COL6A6: variants seen among roughly 807,000 people sequenced by gnomAD.
COL6A6 encodes the protein collagen alpha-6(VI) chain.
A neutral mutation model predicts 208.6 loss-of-function variants in COL6A6; 183 were observed. That is an observed-to-expected ratio of 0.88 (90% confidence interval 0.78 to 0.99). The LOEUF (loss-of-function observed/expected upper bound fraction) is 0.99, where lower values mean the gene tolerates loss of function less well. COL6A6 is among the 50% of genes least tolerant of loss of function. The probability of loss-of-function intolerance (pLI) is 0.00; values close to 1 mark genes in which losing one functional copy is unlikely to be tolerated. For synonymous variants in COL6A6, 973 were observed against 1,011.8 expected (o/e 0.96, Z 0.73); for missense variants, 2,816 against 2,815.2 (o/e 1.00, Z -0.01).
At chr3:130,577,057 G>A (rs2063314701) in intron 8 of COL6A6, among the ~76,000 whole-genome samples, 1 of 152,162 alleles carries the variant, frequency 6.6e-6, no homozygotes, top group Non-Finnish European at 1.5e-5. Context: ...AGGGAGGTCA[G>A]ACGCATGGAG....
At position 130,628,608 on chromosome 3, in the gene COL6A6, A is replaced by T. The variant is rs145212914; in HGVS notation, c.4992+1239A>T. The stretch of plus-strand genomic sequence containing the variant: ...ACTTTTTTATCCAGTAGGGATTATT[A>T]TATCTCTTCAATTATAGTCTTTGAA... On this transcript the variant is annotated intron_variant, in intron 26 of 36. Transcript: ENST00000358511. Among the ~76,000 whole-genome samples, 923 of 152,316 alleles carry T rather than the reference A, an allele frequency of 6.1e-3. 7 individuals carry two copies. The highest frequency in any genetic ancestry group is 0.019 in the African/African-American group (803 of 41,556).
At chr3:130,561,172 C>T (rs539613589) in intron 2 of COL6A6, among the ~76,000 whole-genome samples, 14 of 152,282 alleles carry the variant, frequency 9.2e-5, no homozygotes, top group African/African-American at 2.4e-4. Flanking sequence ...AACCTGAGTC[C>T]GCCTTATGTG....
chr3:130,579,067 CCAAA>C (rs554359034), intron 8 of COL6A6, among the ~76,000 whole-genome samples: 32 of 152,190 alleles, frequency 2.1e-4, no homozygotes, highest in African/African-American at 7.5e-4. Flanking sequence ...TTTCAAAGTC[CCAAA>C]CAGATTTCTC....
At chr3:130,590,292 TATATA>T (rs1560034941) in intron 12 of COL6A6, among the ~76,000 whole-genome samples, 34 of 25,142 alleles carry the variant, frequency 1.4e-3, no homozygotes, top group African/African-American at 3.2e-3. Context: ...TATATATATA[TATATA>T]TATTTTTTTT....
intron 1 of COL6A6, among the ~76,000 whole-genome samples, chr3:130,549,940 A>G (rs1013443211): frequency 6.6e-6 from 1 of 152,150 alleles, no homozygotes; most frequent in Non-Finnish European, 1.5e-5. Flanking sequence ...CTAGTTTGAT[A>G]GGAATACCAT....
chr3:130,667,563 A>G (rs2066106726), intron 36 of COL6A6, among the ~76,000 whole-genome samples: 2 of 152,210 alleles, frequency 1.3e-5, no homozygotes, highest in South Asian at 4.1e-4. Flanking sequence ...TTTAAGTAAT[A>G]TATATTAACT....
chr3:130,535,071 G>C (rs959683395), intron 1 of COL6A6, among the ~76,000 whole-genome samples: 2 of 151,948 alleles, frequency 1.3e-5, no homozygotes, highest in Admixed American at 1.3e-4. Context: ...TTTTCCTTCA[G>C]TTCTGGAAAA....
intron 2 of COL6A6, among the ~76,000 whole-genome samples, chr3:130,561,388 G>T (rs569510618): frequency 2.0e-5 from 3 of 152,136 alleles, no homozygotes; most frequent in Non-Finnish European, 4.4e-5. Context: ...ATCATGAAAA[G>T]AATCTCAGAG....
Position 130,563,666 on chromosome 3 carries a change from T to TG in COL6A6, c.661+5dup. The TG allele has an allele frequency of 6.3e-7, 1 of 1,590,452 alleles. No individual in the cohort carries two copies. Among genetic ancestry groups the TG allele is most frequent in the Non-Finnish European group, 8.6e-7 (1 of 1,160,050 alleles). ...CAGTTGATGACATCTTTGTAGAAGG[T>TG]GGGCTTAGGATATGTGTATAGGAAT... On this transcript the variant is annotated splice_region_variant and intron_variant, in intron 3 of 36. Transcript: ENST00000358511.
chr3:130,641,660 T>A lies in COL6A6; in HGVS notation c.5100T>A (p.Ala1700=), dbSNP rs182797175. ...ATAAATTCTCCTTTGAGATATCTGC[T>A]GGGCTTCCAGGAGAGATGGGATCCC... ...LKGARGKMIS[A]GLPGEMGSPG... The change falls in exon 29 of 37, where the codon GCT becomes GCA. Residue 1700 remains alanine (A), a synonymous_variant. Transcript: ENST00000358511. 6.9e-6 allele frequency: 11 copies of A among 1,587,290 alleles called. No homozygotes were observed. The Admixed American group carries it at 1.8e-4, about 27-fold the overall frequency.
At chr3:130,596,852 T>C (rs2108111357) in intron 18 of COL6A6, among the ~76,000 whole-genome samples, 1 of 152,318 alleles carries the variant, frequency 6.6e-6, no homozygotes, top group South Asian at 2.1e-4. Flanking sequence ...GGGAAAACAG[T>C]TAAATTATTT....
Position 130,563,298 on chromosome 3 carries a change from G to A in COL6A6, c.295G>A (p.Gly99Arg). The change falls in exon 3 of 37, where the codon GGA becomes AGA. Residue 99 changes from glycine (G) to arginine (R), a missense_variant. Coordinates refer to ENST00000358511, the MANE Select transcript of COL6A6 (RefSeq NM_001102608.3). ...GCTGAACCACCTAAGGAAGAACTTT[G>A]GATTCATTGGCGGGTCCCTGCAGAT... ...PMLNHLRKNF[G>R]FIGGSLQIGK... is the part of the protein sequence containing the mutation. 6.2e-7 allele frequency: 1 copy of A among 1,613,970 alleles called. No individual in the cohort carries two copies. The highest frequency in any genetic ancestry group is 8.5e-7 in the Non-Finnish European group (1 of 1,179,878).
chr3:130,522,105 C>A (rs1337191127), intron 1 of COL6A6, among the ~76,000 whole-genome samples: 2 of 152,130 alleles, frequency 1.3e-5, no homozygotes, highest in Non-Finnish European at 1.5e-5. Context: ...CTAAGTATAG[C>A]TTATACTTAG....
intron 20 of COL6A6, among the ~76,000 whole-genome samples, chr3:130,603,710 T>C (rs1430671180): frequency 6.6e-6 from 1 of 152,206 alleles, no homozygotes; most frequent in Non-Finnish European, 1.5e-5. Context: ...TTGGCACTCA[T>C]TTACAGGCAT....
At chr3:130,548,089 G>A (rs150552672) in intron 1 of COL6A6, among the ~76,000 whole-genome samples, 116 of 152,338 alleles carry the variant, frequency 7.6e-4, no homozygotes, top group Non-Finnish European at 1.4e-3. Flanking sequence ...CACTGTGCCC[G>A]GCCAATCCTA....
chr3:130,656,643 T>G (rs1407168936), intron 33 of COL6A6, among the ~76,000 whole-genome samples: 1 of 152,200 alleles, frequency 6.6e-6, no homozygotes, highest in African/African-American at 2.4e-5. Flanking sequence ...GGGGTTTCAC[T>G]GAGGACCCAC....
At chr3:130,546,074 A>T (rs889734616) in intron 1 of COL6A6, among the ~76,000 whole-genome samples, 20 of 152,138 alleles carry the variant, frequency 1.3e-4, no homozygotes, top group Admixed American at 1.2e-3. Context: ...TCAATCTCAG[A>T]CATTCATTCC....
At position 130,593,170 on chromosome 3, in the gene COL6A6, A is replaced by G. The variant is rs367800070; in HGVS notation, c.4417-29A>G. ...TTACCATTATGAAAACGAGAATTCTATTAATAGCTTTCCCTTCTTGTTTTT... is the reference window on the plus strand; with the variant it reads ...TTACCATTATGAAAACGAGAATTCTGTTAATAGCTTTCCCTTCTTGTTTTT... On this transcript the variant is annotated intron_variant, in intron 16 of 36. Transcript: ENST00000358511. The G allele has an allele frequency of 7.9e-5, 128 of 1,612,288 alleles. No homozygotes were observed. In the African/African-American group the frequency reaches 1.6e-3, roughly 20 times the overall value.
intron 33 of COL6A6, among the ~76,000 whole-genome samples, chr3:130,650,513 G>A (rs1023278894): frequency 3.3e-5 from 5 of 151,810 alleles, no homozygotes; most frequent in African/African-American, 1.2e-4. Flanking sequence ...CCCAGCTACT[G>A]GGGAGGCTGA....
Sources: gnomAD v4.1 joint callset for allele counts (sites outside exome capture counted in the v4.1 genomes callset) on GRCh38, gnomAD v4.1.1 for gene constraint, MANE v1.5 for transcripts, NCBI Gene and HGNC (gene_info 2026-07-23, HGNC 2026-07-21) for gene names.